Variants in DAB1 observed in about 807,000 individuals in gnomAD.
DAB1 encodes the protein DAB adaptor protein 1, also known as disabled homolog 1.
A neutral mutation model predicts 64.6 loss-of-function variants in DAB1; 15 were observed. The ratio of observed to expected loss-of-function variants is 0.23; its 90% CI spans 0.16 to 0.36. The LOEUF (loss-of-function observed/expected upper bound fraction) is 0.36. Ranked by LOEUF, DAB1 falls within the 10% of genes least tolerant of loss-of-function variation. The pLI, the probability that DAB1 is intolerant of heterozygous loss-of-function variation, is 1.00. For missense variants in DAB1, 596 were observed against 706.7 expected (o/e 0.84, Z 1.78); for synonymous variants, 235 against 251.9 (o/e 0.93, Z 0.64).
At chr1:57,835,897 A>C (rs1422742100) in intron 1 of DAB1, among the ~76,000 whole-genome samples, 1 of 152,190 alleles carries the variant, frequency 6.6e-6, no homozygotes, top group Non-Finnish European at 1.5e-5. Flanking sequence ...CATGACGTTC[A>C]TTAACAGCTG....
chr1:58,129,691 A>C (rs1040606057), intron 5 of DAB1, among the ~76,000 whole-genome samples: 5 of 145,890 alleles, frequency 3.4e-5, no homozygotes, highest in African/African-American at 1.3e-4. Context: ...GAACATCTTT[A>C]TTTCTGCCTT....
intron 3 of DAB1, among the ~76,000 whole-genome samples, chr1:58,351,296 G>A (rs1029945234): frequency 6.6e-5 from 10 of 152,100 alleles, no homozygotes; most frequent in African/African-American, 2.4e-4. Context: ...ATAAACCCAT[G>A]CATGGTTACA....
chr1:57,678,014 T>C (rs1304313452), intron 6 of DAB1, among the ~76,000 whole-genome samples: 1 of 152,196 alleles, frequency 6.6e-6, no homozygotes, highest in Non-Finnish European at 1.5e-5. Flanking sequence ...GTACTGCTTC[T>C]AGAGGCTTGG....
chr1:57,823,037 T>A (rs1292824331), downstream of DAB1, among the ~76,000 whole-genome samples: 2 of 146,030 alleles, frequency 1.4e-5, no homozygotes, highest in Non-Finnish European at 3.0e-5. Context: ...CAGGCTGGAG[T>A]GCAGTGGCGC....
In DAB1 at chr1:58,518,280, GA is replaced by G. The variant is rs1557450246; in HGVS notation, n.107+8980del. Among the ~76,000 whole-genome samples the G allele has an allele frequency of 1.6e-3, 19 of 11,896 alleles. 3 individuals are homozygous for G. Among genetic ancestry groups the G allele is most frequent in the Middle Eastern group, 0.05 (2 of 40 alleles). 7.8% of individuals were successfully genotyped at this position (11,896 alleles called of 152,430 possible). A position where few individuals can be genotyped will look rare whatever the true frequency, so the allele number is the denominator to read the frequency against. ...AGAGGGGAGAGGAGAGAGGAGAGGAGAAGAGAAGAGAAGAGAAGAGAAGAGA... is the reference window on the plus strand; with the variant it reads ...AGAGGGGAGAGGAGAGAGGAGAGGAGAGAGAAGAGAAGAGAAGAGAAGAGA... On this transcript the variant is annotated intron_variant and non_coding_transcript_variant, in intron 2 of 20. Coordinates refer to the DAB1 transcript ENST00000485760.
At chr1:57,029,759 T>C (rs1646910133) in intron 9 of DAB1, among the ~76,000 whole-genome samples, 1 of 152,244 alleles carries the variant, frequency 6.6e-6, no homozygotes, top group Non-Finnish European at 1.5e-5. Context: ...CCTTTTGTTT[T>C]GGCCAATTTC....
intron 5 of DAB1, among the ~76,000 whole-genome samples, chr1:58,052,298 G>T (rs1464590168): frequency 6.6e-6 from 1 of 152,192 alleles, no homozygotes; most frequent in African/African-American, 2.4e-5. Flanking sequence ...TTACTAAATA[G>T]GGAATCCTTT....
At chr1:57,112,439 C>T (rs1424856005) in intron 4 of DAB1, among the ~76,000 whole-genome samples, 1 of 152,122 alleles carries the variant, frequency 6.6e-6, no homozygotes, top group African/African-American at 2.4e-5. Flanking sequence ...CCTGACCTAG[C>T]GGGCCCTTAT....
intron 4 of DAB1, among the ~76,000 whole-genome samples, chr1:58,247,493 A>G (rs559434074): frequency 6.6e-5 from 10 of 152,262 alleles, no homozygotes; most frequent in Non-Finnish European, 1.2e-4. Flanking sequence ...ACAGCACACC[A>G]ACAACTGGAG....
At chr1:57,508,573 C>G (rs1297301775) in intron 7 of DAB1, among the ~76,000 whole-genome samples, 1 of 152,202 alleles carries the variant, frequency 6.6e-6, no homozygotes, top group African/African-American at 2.4e-5. Context: ...CATACAGACT[C>G]TGTTGCAACC....
At chr1:57,957,935 C>T (rs1437545559) in intron 5 of DAB1, among the ~76,000 whole-genome samples, 1 of 151,254 alleles carries the variant, frequency 6.6e-6, no homozygotes, top group African/African-American at 2.4e-5. Context: ...AAGTATGAAA[C>T]TCTTTGTTCT....
At chr1:57,807,425 C>T (rs1651415642) in intron 6 of DAB1, among the ~76,000 whole-genome samples, 1 of 152,170 alleles carries the variant, frequency 6.6e-6, no homozygotes. Context: ...GCAGAGACAA[C>T]TTTCCCCCAG....
intron 7 of DAB1, among the ~76,000 whole-genome samples, chr1:57,471,680 C>T (rs950144424): frequency 2.0e-5 from 3 of 152,212 alleles, no homozygotes; most frequent in African/African-American, 7.2e-5. Flanking sequence ...ACATACCTTT[C>T]ACCTTCTGCC....
At chr1:57,756,666 G>T (rs928947946) in intron 6 of DAB1, among the ~76,000 whole-genome samples, 1 of 149,466 alleles carries the variant, frequency 6.7e-6, no homozygotes, top group African/African-American at 2.4e-5. Flanking sequence ...CTTCCGTACT[G>T]CAGGCAATAA....
Position 57,097,207 on chromosome 1 carries a change from C to T in DAB1, c.307-24793G>A, listed in dbSNP as rs897126336. Reference sequence around the variant, plus strand: ...TGCAGAAATTAAAATTTATAAACACCACCTGATGTATATTACCCTGGAAGA... The same window carrying T: ...TGCAGAAATTAAAATTTATAAACACTACCTGATGTATATTACCCTGGAAGA... On this transcript the variant is annotated intron_variant, in intron 4 of 14. Transcript: ENST00000371236. 3.3e-5 allele frequency among the ~76,000 whole-genome samples: 5 copies of T among 152,006 alleles called. No homozygotes were observed. In the East Asian group the frequency reaches 9.6e-4, roughly 29 times the overall value.
At chr1:58,479,530 C>T (rs940229447) in intron 3 of DAB1, among the ~76,000 whole-genome samples, 3 of 152,172 alleles carry the variant, frequency 2.0e-5, no homozygotes, top group Non-Finnish European at 4.4e-5. Context: ...AGAGGTTCTA[C>T]TCTCCTACAC....
intron 6 of DAB1, among the ~76,000 whole-genome samples, chr1:57,669,624 A>C (rs1036299016): frequency 2.0e-5 from 3 of 152,144 alleles, no homozygotes; most frequent in African/African-American, 4.8e-5. Context: ...TGACGCAATA[A>C]ACCAAGAATC....
chr1:57,309,948 C>T (rs1380467992), intron 1 of DAB1, among the ~76,000 whole-genome samples: 1 of 152,152 alleles, frequency 6.6e-6, no homozygotes, highest in East Asian at 1.9e-4. Context: ...TGTTCTGCCA[C>T]AAACATCATC....
intron 5 of DAB1, among the ~76,000 whole-genome samples, chr1:58,132,052 C>G (rs1200652232): frequency 6.6e-6 from 1 of 152,144 alleles, no homozygotes; most frequent in Non-Finnish European, 1.5e-5. Context: ...CGCCCCTCCC[C>G]CAGCCTCAAT....
Sources: allele counts gnomAD v4.1 joint callset (sites outside exome capture counted in the v4.1 genomes callset), GRCh38; gene constraint gnomAD v4.1.1; transcripts MANE v1.5; gene names NCBI Gene and HGNC (gene_info 2026-07-23, HGNC 2026-07-21).